CAMTA1: variants seen among roughly 807,000 people sequenced by gnomAD.
The protein encoded by CAMTA1 is calmodulin binding transcription activator 1, also known as calmodulin-binding transcription activator 1.
A neutral mutation model predicts 170.9 loss-of-function variants in CAMTA1; 27 were observed. That is an observed-to-expected ratio of 0.16 (90% confidence interval 0.12 to 0.22). CAMTA1 has a LOEUF of 0.22. Among genes scored for constraint, CAMTA1 ranks in the 10% least tolerant of loss-of-function variants. CAMTA1 has a pLI of 1.00. For synonymous variants in CAMTA1, 833 were observed against 891.5 expected (o/e 0.93, Z 1.17); for missense variants, 1,619 against 2,217.2 (o/e 0.73, Z 5.42).
At chr1:7,735,311 C>A (rs2096763081) in intron 12 of CAMTA1, among the ~76,000 whole-genome samples, 1 of 152,074 alleles carries the variant, frequency 6.6e-6, no homozygotes. Flanking sequence ...GCCTGGCCAA[C>A]ATGGTGAAAC....
At position 7,738,634 on chromosome 1, in the gene CAMTA1, C is replaced by T. The variant is rs2150014903; in HGVS notation, c.4182+152C>T. On this transcript the variant is annotated intron_variant, in intron 16 of 22. Transcript: ENST00000303635. The surrounding 1 kb of genome is among the most constrained non-coding windows in gnomAD (Gnocchi z 4.9). Reference sequence around the variant, plus strand: ...GAACATCGTTGGAGTATCTTCTTTCCTTGGGGCCACATTTTCATTCGGTGA... The same window carrying T: ...GAACATCGTTGGAGTATCTTCTTTCTTTGGGGCCACATTTTCATTCGGTGA... The T allele has an allele frequency of 2.4e-6, 2 of 822,784 alleles. No individual in the cohort carries two copies. Among genetic ancestry groups the T allele is most frequent in the South Asian group, 1.8e-5 (1 of 54,120 alleles). 51.0% of individuals were successfully genotyped at this position (822,784 alleles called of 1,614,324 possible).
chr1:7,654,794 C>G (rs1332685834), intron 7 of CAMTA1, among the ~76,000 whole-genome samples: 1 of 78,490 alleles, frequency 1.3e-5, no homozygotes, highest in African/African-American at 4.1e-5. Flanking sequence ...TACCCACACA[C>G]CTATACACAC....
chr1:6,786,617 C>T (rs1183173611), intron 1 of CAMTA1, among the ~76,000 whole-genome samples: 1 of 152,194 alleles, frequency 6.6e-6, no homozygotes, highest in Non-Finnish European at 1.5e-5. Flanking sequence ...ACACTTCTTC[C>T]AGATCATGCA....
intron 6 of CAMTA1, among the ~76,000 whole-genome samples, chr1:7,470,581 G>A (rs988411132): frequency 1.1e-4 from 16 of 152,184 alleles, no homozygotes; most frequent in African/African-American, 3.9e-4. Context: ...TCTGAATGCA[G>A]GAGGCACTAG....
intron 3 of CAMTA1, among the ~76,000 whole-genome samples, chr1:7,083,156 A>G (rs1165597297): frequency 2.0e-5 from 3 of 152,172 alleles, no homozygotes; most frequent in Admixed American, 1.3e-4. Flanking sequence ...ATGCTTTACT[A>G]TGTCTCAATA....
At chr1:7,569,263 A>ATCG (rs1420146398) in intron 6 of CAMTA1, among the ~76,000 whole-genome samples, 2 of 144,370 alleles carry the variant, frequency 1.4e-5, no homozygotes, top group African/African-American at 5.7e-5. Flanking sequence ...CCAAATCACC[A>ATCG]TCATCATCAT....
chr1:7,372,888 G>A (rs898100321), intron 5 of CAMTA1, among the ~76,000 whole-genome samples: 2 of 152,184 alleles, frequency 1.3e-5, no homozygotes, highest in Non-Finnish European at 2.9e-5. Flanking sequence ...CCCTTTCAAT[G>A]GCTGCACCCT....
intron 5 of CAMTA1, among the ~76,000 whole-genome samples, chr1:7,343,679 T>A (rs1011606492): frequency 6.6e-6 from 1 of 152,202 alleles, no homozygotes; most frequent in Non-Finnish European, 1.5e-5. Context: ...CAACCCTGAA[T>A]TTGTGCTTAC....
At chr1:7,236,819 CG>C (rs1330053556) in intron 4 of CAMTA1, among the ~76,000 whole-genome samples, 45 of 152,302 alleles carry the variant, frequency 3.0e-4, no homozygotes, top group African/African-American at 9.6e-4. Flanking sequence ...CAGGCCATTC[CG>C]TGTTGGAAAG....
At chr1:7,311,007 A>G (rs1462592015) in intron 5 of CAMTA1, among the ~76,000 whole-genome samples, 1 of 152,164 alleles carries the variant, frequency 6.6e-6, no homozygotes, top group Non-Finnish European at 1.5e-5. Context: ...CTGGGATTAC[A>G]GGCATGAGCC....
At chr1:7,705,141 C>T (rs2096498022) in intron 11 of CAMTA1, among the ~76,000 whole-genome samples, 1 of 149,030 alleles carries the variant, frequency 6.7e-6, no homozygotes, top group Non-Finnish European at 1.5e-5. Flanking sequence ...GCGTTTCTGG[C>T]GCGAGTGGGA....
intron 3 of CAMTA1, among the ~76,000 whole-genome samples, chr1:6,943,886 CAT>C (rs1478474211): frequency 1.4e-5 from 2 of 139,048 alleles, no homozygotes; most frequent in African/African-American, 5.3e-5. Context: ...ATACACATAA[CAT>C]AGAATTTTAA....
At position 7,581,233 on chromosome 1, in the gene CAMTA1, A is replaced by G. The variant is rs1534224; in HGVS notation, c.511-59167A>G. Among the ~76,000 whole-genome samples the G allele has an allele frequency of 5.2e-3, 790 of 152,328 alleles. 5 individuals are homozygous for G. The highest frequency in any genetic ancestry group is 0.018 in the African/African-American group (729 of 41,576). ...GATAGGAAGTTTGGTTGTCATTCCA[A>G]TATGGCTGGAACCCCAGAAACTTTT... On this transcript the variant is annotated intron_variant, in intron 6 of 22. Transcript: ENST00000303635.
intron 5 of CAMTA1, among the ~76,000 whole-genome samples, chr1:7,270,228 T>TACACAC (rs1233810260): frequency 6.9e-5 from 6 of 87,188 alleles, no homozygotes; most frequent in African/African-American, 1.2e-4. Flanking sequence ...TATACATATA[T>TACACAC]ATACACATAT....
chr1:6,824,417 GTAAT>G (rs994731187), intron 2 of CAMTA1, among the ~76,000 whole-genome samples: 6 of 152,104 alleles, frequency 3.9e-5, no homozygotes, highest in African/African-American at 1.4e-4. Flanking sequence ...TAGTCTGAAA[GTAAT>G]TATTTTTTCT....
intron 3 of CAMTA1, among the ~76,000 whole-genome samples, chr1:6,991,513 A>G (rs1293829939): frequency 2.0e-5 from 3 of 152,078 alleles, no homozygotes; most frequent in East Asian, 1.9e-4. Context: ...TCATCCATAT[A>G]TCTCCCTTTG....
At chr1:7,287,034 A>G (rs915917060) in intron 5 of CAMTA1, among the ~76,000 whole-genome samples, 2 of 152,220 alleles carry the variant, frequency 1.3e-5, no homozygotes, top group Non-Finnish European at 1.5e-5. Flanking sequence ...AAATTAACTC[A>G]TCTGATTTGA....
rs535428897 is a variant in CAMTA1 at position 7,417,375 on chromosome 1, G to A, written c.439-50455G>A. Among the ~76,000 whole-genome samples, 16 of 152,250 alleles carry A rather than the reference G, an allele frequency of 1.1e-4. No homozygotes were observed. In the South Asian group the frequency reaches 3.1e-3, roughly 30 times the overall value. On this transcript the variant is annotated intron_variant, in intron 5 of 22. Transcript: ENST00000303635. ...GTTTGTCTGTGCCCTGCCCCCAGAG[G>A]TGGAGTCTACAGAGGCAGGCAGGCC...
intron 11 of CAMTA1, among the ~76,000 whole-genome samples, chr1:7,712,905 C>G (rs1267087879): frequency 6.6e-6 from 1 of 152,138 alleles, no homozygotes; most frequent in Non-Finnish European, 1.5e-5. Context: ...ATAAAACCAT[C>G]AGATCTCATG....
Sources: gnomAD v4.1 joint callset for allele counts (sites outside exome capture counted in the v4.1 genomes callset) on GRCh38, gnomAD v4.1.1 for gene constraint, Gnocchi (gnomAD v3.1) non-coding constraint, MANE v1.5 for transcripts, NCBI Gene and HGNC (gene_info 2026-07-23, HGNC 2026-07-21) for gene names.